ASH2L: variants seen among roughly 807,000 people sequenced by gnomAD.
ASH2L encodes the protein ASH2 like, histone lysine methyltransferase complex subunit, also known as set1/Ash2 histone methyltransferase complex subunit ASH2.
In ASH2L, 30 loss-of-function variants were observed where a neutral mutation model predicts 81.1. The ratio of observed to expected loss-of-function variants is 0.37; its 90% CI spans 0.28 to 0.50. The LOEUF is 0.50. Ranked by LOEUF, ASH2L falls within the 20% of genes least tolerant of loss-of-function variation. The pLI, the probability that ASH2L is intolerant of heterozygous loss-of-function variation, is 0.95. For synonymous variants in ASH2L, 273 were observed against 279.9 expected, an observed-to-expected ratio of 0.98 and a Z score of 0.24; for missense variants, 559 against 792.1, an observed-to-expected ratio of 0.71 and a Z score of 3.53.
rs140451157 is a variant in ASH2L, at chr8:38,139,329, C to T, written c.*258C>T. 980 of 386,860 alleles carry T rather than the reference C, an allele frequency of 2.5e-3. 8 individuals are homozygous for T. The highest frequency in any genetic ancestry group is 0.017 in the African/African-American group (860 of 50,328). 24.0% of individuals were successfully genotyped at this position (386,860 alleles called of 1,614,324 possible). A position where few individuals can be genotyped will look rare whatever the true frequency, so the allele number is the denominator to read the frequency against. On this transcript the variant is annotated 3_prime_UTR_variant, in exon 16 of 16. Coordinates refer to ENST00000343823, the MANE Select transcript of ASH2L (RefSeq NM_004674.5). ...GGATTGCATAAGCCCCCTGTGAAAT[C>T]GGTGCTGTACTGCATACCCTGCCAG... is the stretch of plus-strand genomic sequence containing the variant.
At chr8:38,121,337 A>T (rs2517389) in intron 10 of ASH2L, among the ~76,000 whole-genome samples, 188 bp downstream of exon 10, 5,763 of 46,630 alleles carry the variant, frequency 0.12, 238 homozygotes, top group East Asian at 0.19. Flanking sequence ...TTTTATTTAT[A>T]TATATATATA....
intron 7 of ASH2L, among the ~76,000 whole-genome samples, chr8:38,115,223 T>C (rs888553165): frequency 6.6e-6 from 1 of 152,234 alleles, no homozygotes; most frequent in Admixed American, 6.5e-5. Context: ...CAAAATGTTA[T>C]GAATTTCTTC....
At chr8:38,127,019 T>G (rs969605466) in intron 10 of ASH2L, among the ~76,000 whole-genome samples, 9 of 151,722 alleles carry the variant, frequency 5.9e-5, no homozygotes, top group African/African-American at 1.9e-4. Flanking sequence ...TTCAAACAAT[T>G]AGCTGGATGT....
intron 7 of ASH2L, among the ~76,000 whole-genome samples, chr8:38,116,225 G>A (rs1452109538): frequency 1.3e-5 from 2 of 152,120 alleles, no homozygotes; most frequent in Non-Finnish European, 2.9e-5. Context: ...CTTTAGCTGG[G>A]TATGGCAGCA....
At chr8:38,134,131 G>A (rs1015156900) in intron 13 of ASH2L, among the ~76,000 whole-genome samples, 2 of 152,216 alleles carry the variant, frequency 1.3e-5, no homozygotes, top group African/African-American at 2.4e-5. Flanking sequence ...CAGCATGCTC[G>A]TTAAGAGTCA....
chr8:38,109,503 T>C (rs1178311250), intron 3 of ASH2L, among the ~76,000 whole-genome samples: 1 of 152,242 alleles, frequency 6.6e-6, no homozygotes, highest in African/African-American at 2.4e-5. Context: ...ACTTTGCCCT[T>C]TGCAAGACTA....
rs1202291451 is a variant in ASH2L, at chr8:38,135,859, A to C, written c.1719+93A>C. 3.2e-6 allele frequency: 3 copies of C among 947,550 alleles called. No homozygotes were observed. In the African/African-American group the frequency reaches 5.0e-5, roughly 16 times the overall value. The allele number at this position is 947,550 out of a possible 1,614,324, so 58.7% of individuals were successfully genotyped here. A position where few individuals can be genotyped will look rare whatever the true frequency, so the allele number is the denominator to read the frequency against. On this transcript the variant is annotated intron_variant, in intron 14 of 15. Coordinates refer to ENST00000343823, the MANE Select transcript of ASH2L (RefSeq NM_004674.5). ...GTTACTGAGTGCTGGAACGAAATCC[A>C]AGCAGCCTCAGAGTGGCATGCGCAT... is the stretch of plus-strand genomic sequence containing the variant.
intron 7 of ASH2L, among the ~76,000 whole-genome samples, chr8:38,116,011 G>A (rs1810878562): frequency 6.6e-6 from 1 of 152,170 alleles, no homozygotes; most frequent in Non-Finnish European, 1.5e-5. Flanking sequence ...CAGATCATTT[G>A]AGATCGGGAG....
At chr8:38,131,687 A>C (rs1013509278) in intron 12 of ASH2L, among the ~76,000 whole-genome samples, 8 of 152,222 alleles carry the variant, frequency 5.3e-5, no homozygotes, top group Non-Finnish European at 1.0e-4. Context: ...TGACATGTCC[A>C]CACGACAGAA....
intron 6 of ASH2L, 127 bp from the exon 7 acceptor site, chr8:38,114,778 G>GA: frequency 1.6e-6 from 1 of 631,714 alleles, no homozygotes; most frequent in Non-Finnish European, 2.8e-6. Flanking sequence ...TTCTTAGAAG[G>GA]AAAAACGATA....
In ASH2L at chr8:38,121,141, A is replaced by G. The variant is rs748017718; in HGVS notation, c.1157A>G (p.His386Arg). ...CLYERVLLAL[H>R]DRAPQLKISD... Reference sequence around the variant, plus strand: ...TATGAACGGGTTTTGTTAGCCCTACATGATCGAGGTATGTAAAGTATTGGA... The same window carrying G: ...TATGAACGGGTTTTGTTAGCCCTACGTGATCGAGGTATGTAAAGTATTGGA... The change falls in exon 10 of 16, where the codon CAT (histidine) becomes CGT (arginine). Residue 386 changes from histidine to arginine, a missense_variant. This residue lies in a region of ASH2L where 318 missense variants were observed against 527.0 expected (regional missense o/e 0.60). Transcript: ENST00000343823. 15 of 1,613,060 alleles carry G rather than the reference A, an allele frequency of 9.3e-6. No individual in the cohort carries two copies. Among genetic ancestry groups the G allele is most frequent in the Non-Finnish European group, 1.3e-5 (15 of 1,179,652 alleles).
At chr8:38,128,608 A>G in intron 11 of ASH2L, 150 bp downstream of exon 11, 5 of 1,456,174 alleles carry the variant, frequency 3.4e-6, no homozygotes, top group Non-Finnish European at 3.7e-6. Context: ...TTCCCGGGAT[A>G]TTTTTGTAAT....
chr8:38,133,689 C>T (rs547692017), intron 13 of ASH2L, 143 bp downstream of exon 13: 2 of 632,888 alleles, frequency 3.2e-6, no homozygotes, highest in East Asian at 2.8e-5. Context: ...CAAGCTCACC[C>T]TCTGCTTATT....
chr8:38,111,472 T>G (rs1810677117), intron 5 of ASH2L, among the ~76,000 whole-genome samples: 1 of 151,928 alleles, frequency 6.6e-6, no homozygotes, highest in Non-Finnish European at 1.5e-5. Context: ...ACCGAAGACT[T>G]GACCTCCTGG....
chr8:38,105,568 A>C lies in ASH2L; in HGVS notation c.18A>C (p.Ala6=). 1 of 1,578,502 alleles carries C rather than the reference A, an allele frequency of 6.3e-7. No homozygotes were observed. The highest frequency in any genetic ancestry group is 8.6e-7 in the Non-Finnish European group (1 of 1,161,004). Residue 6 remains alanine, a synonymous_variant, in exon 1 of 16, where the codon GCA becomes GCC. Transcript: ENST00000343823. ...TGGCCGTGATGGCGGCGGCAGGAGC[A>C]GGACCTGGCCAGGAAGCGGGTGCCG... MAAAG[A]GPGQEAGAGP...
rs187238616 is a variant in ASH2L, at chr8:38,139,515, A to G, written c.*444A>G. The G allele has an allele frequency of 5.8e-5, 9 of 155,440 alleles. No homozygotes were observed. The East Asian group carries it at 9.5e-4, about 16-fold the overall frequency. The allele number at this position is 155,440 out of a possible 1,614,324, so 9.6% of individuals were successfully genotyped here. Reference sequence around the variant, plus strand: ...CTGAGAACACCTGAAATCAATGGCTATACATTCCAAACCAATCTAAACGCT... The same window carrying G: ...CTGAGAACACCTGAAATCAATGGCTGTACATTCCAAACCAATCTAAACGCT... On this transcript the variant is annotated 3_prime_UTR_variant, in exon 16 of 16. Coordinates refer to ENST00000343823, the MANE Select transcript of ASH2L (RefSeq NM_004674.5).
chr8:38,127,187 A>G (rs1801885471), intron 10 of ASH2L, among the ~76,000 whole-genome samples: 1 of 151,708 alleles, frequency 6.6e-6, no homozygotes, highest in African/African-American at 2.4e-5. Context: ...AAACTAGTCA[A>G]GAGGCTAGCC....
intron 10 of ASH2L, among the ~76,000 whole-genome samples, chr8:38,124,902 T>A (rs1376169111): frequency 6.6e-6 from 1 of 152,174 alleles, no homozygotes; most frequent in Non-Finnish European, 1.5e-5. Flanking sequence ...TTGCTTCTGG[T>A]GAGGATCCCA....
intron 7 of ASH2L, among the ~76,000 whole-genome samples, chr8:38,116,029 C>T (rs1271933693): frequency 1.3e-5 from 2 of 151,716 alleles, no homozygotes; most frequent in Non-Finnish European, 2.9e-5. Context: ...GAGTTGGAGA[C>T]CAGCCTGGCC....
Sources: allele counts gnomAD v4.1 joint callset (sites outside exome capture counted in the v4.1 genomes callset), GRCh38; gene constraint gnomAD v4.1.1; regional missense constraint gnomAD v4.1.1; transcripts MANE v1.5; gene names NCBI Gene and HGNC (gene_info 2026-07-23, HGNC 2026-07-21).